PHF2: variants seen among roughly 807,000 people sequenced by gnomAD.
PHF2 encodes PHD finger protein 2, also known as lysine-specific demethylase PHF2.
PHF2 carries 27 observed loss-of-function variants against 120.5 expected under a neutral mutation model. The observed-to-expected ratio is 0.22, with a 90% CI of 0.17 to 0.31. The LOEUF (loss-of-function observed/expected upper bound fraction) is 0.31. Among genes scored for constraint, PHF2 ranks in the 10% least tolerant of loss-of-function variants. The pLI is 1.00. For missense variants in PHF2, 1,024 were observed against 1,434.8 expected, an observed-to-expected ratio of 0.71 and a Z score of 4.63; for synonymous variants, 568 against 592.5, an observed-to-expected ratio of 0.96 and a Z score of 0.60.
intron 1 of PHF2, among the ~76,000 whole-genome samples, chr9:93,621,998 C>T (rs1318996942): frequency 1.3e-5 from 2 of 152,196 alleles, no homozygotes; most frequent in African/African-American, 2.4e-5. Flanking sequence ...TGCCCAACCA[C>T]CTGGGGCATT....
At chr9:93,577,497 C>A (rs972486031) in intron 1 of PHF2, among the ~76,000 whole-genome samples, 1 of 152,230 alleles carries the variant, frequency 6.6e-6, no homozygotes, top group African/African-American at 2.4e-5. Flanking sequence ...GGACCCCTCC[C>A]GGACCCCCGC....
At chr9:93,629,563 C>G (rs536766071) in intron 1 of PHF2, among the ~76,000 whole-genome samples, 2 of 152,330 alleles carry the variant, frequency 1.3e-5, no homozygotes, top group Admixed American at 1.3e-4. Context: ...AGGAGGGGCT[C>G]TGAGCTGCCT....
At chr9:93,651,838 G>A (rs71496447) in intron 5 of PHF2, among the ~76,000 whole-genome samples, 1 of 152,210 alleles carries the variant, frequency 6.6e-6, no homozygotes, top group Non-Finnish European at 1.5e-5. Context: ...GTGGGAGGCA[G>A]GGACAGCCTG....
chr9:93,670,458 A>T (rs1033995417), intron 17 of PHF2, among the ~76,000 whole-genome samples: 1 of 152,174 alleles, frequency 6.6e-6, no homozygotes, highest in Non-Finnish European at 1.5e-5. Context: ...CCCCTGACTC[A>T]GAGTTTCTGG....
chr9:93,607,005 T>G (rs1825553390), intron 1 of PHF2, among the ~76,000 whole-genome samples: 1 of 152,234 alleles, frequency 6.6e-6, no homozygotes, highest in African/African-American at 2.4e-5. Flanking sequence ...ATTGGTTGAC[T>G]GTATTTGTGT....
chr9:93,666,929 T>C (rs1006712139), intron 16 of PHF2, 151 bp from the exon 17 acceptor site: 2 of 348,004 alleles, frequency 5.7e-6, no homozygotes, highest in Non-Finnish European at 9.0e-6. Context: ...ATCTCAAAAC[T>C]AAATAAATAA....
chr9:93,665,677 C>G lies in PHF2; in HGVS notation c.1938-9C>G, dbSNP rs749910545. 6.2e-7 allele frequency: 1 copy of G among 1,612,968 alleles called. No homozygotes were observed. The highest frequency in any genetic ancestry group is 8.5e-7 in the Non-Finnish European group (1 of 1,179,670). On this transcript the variant is annotated splice_polypyrimidine_tract_variant and intron_variant, in intron 14 of 21. Transcript: ENST00000359246. ...GTGGATGCTGCTGACCCACTCGCTT[C>G]TGCCCTAGCTCCAAGGCTCTCAGGC...
At chr9:93,604,586 T>C (rs1290049563) in intron 1 of PHF2, among the ~76,000 whole-genome samples, 1 of 151,682 alleles carries the variant, frequency 6.6e-6, no homozygotes, top group Non-Finnish European at 1.5e-5. Flanking sequence ...TGCCTCAGCC[T>C]CCCAAGTAAT....
chr9:93,651,852 C>T (rs185292844), intron 5 of PHF2, among the ~76,000 whole-genome samples: 192 of 152,186 alleles, frequency 1.3e-3, no homozygotes, highest in African/African-American at 4.6e-3. Context: ...CAGCCTGGCC[C>T]CCTGTGGTGT....
rs1826660334 is a variant in PHF2, at chr9:93,665,576, C to T, written c.1938-110C>T. 13 of 1,207,166 alleles carry T rather than the reference C, an allele frequency of 1.1e-5. No individual in the cohort carries two copies. The South Asian group carries it at 1.7e-4, about 16-fold the overall frequency. 74.8% of individuals were successfully genotyped at this position (1,207,166 alleles called of 1,614,324 possible). A position where few individuals can be genotyped will look rare whatever the true frequency, so the allele number is the denominator to read the frequency against. Reference sequence around the variant, plus strand: ...CAAATAGTGGCAACGTCACCTGCCTCCTGGAGGCCATCCTGCCGCGGCCCT... The same window carrying T: ...CAAATAGTGGCAACGTCACCTGCCTTCTGGAGGCCATCCTGCCGCGGCCCT... On this transcript the variant is annotated intron_variant, in intron 14 of 21. Transcript: ENST00000359246.
At chr9:93,662,816 T>C (rs1826601828) in intron 12 of PHF2, 91 bp from the exon 13 acceptor site, 7 of 1,502,750 alleles carry the variant, frequency 4.7e-6, no homozygotes, top group Non-Finnish European at 6.4e-6. Flanking sequence ...TGCAAGCACA[T>C]GGGCCAGAAG....
intron 1 of PHF2, among the ~76,000 whole-genome samples, chr9:93,626,930 T>A (rs528936746): frequency 3.9e-5 from 6 of 152,384 alleles, no homozygotes; most frequent in African/African-American, 1.4e-4. Context: ...TCTATTCCAT[T>A]GATCTATATG....
chr9:93,619,391 C>G lies in PHF2; in HGVS notation c.99-10579C>G, dbSNP rs982890394. Among the ~76,000 whole-genome samples the G allele has an allele frequency of 5.3e-5, 8 of 152,236 alleles. No individual in the cohort carries two copies. The South Asian group carries it at 6.2e-4, about 12-fold the overall frequency. On this transcript the variant is annotated intron_variant, in intron 1 of 21. Transcript: ENST00000359246. Reference sequence around the variant, plus strand: ...CTGATTCGGCGTCCTGGGCTGGCATCCTGGGCTGGCACTTTGCTCCGCTGA... The same window carrying G: ...CTGATTCGGCGTCCTGGGCTGGCATGCTGGGCTGGCACTTTGCTCCGCTGA...
chr9:93,666,197 C>T, intron 16 of PHF2, 137 bp downstream of exon 16: 1 of 718,858 alleles, frequency 1.4e-6, no homozygotes, highest in Admixed American at 2.5e-5. Context: ...TACCCTCACC[C>T]CACCCTTTCA....
At chr9:93,649,374 C>CT (rs752368762) in intron 5 of PHF2, among the ~76,000 whole-genome samples, 162 bp downstream of exon 5, 1,776 of 105,848 alleles carry the variant, frequency 0.017, 43 homozygotes, top group African/African-American at 0.053. Context: ...AAATTTTTTC[C>CT]TTTTTTTTTT....
chr9:93,650,595 C>T (rs1564394873), intron 5 of PHF2, among the ~76,000 whole-genome samples: 1 of 152,216 alleles, frequency 6.6e-6, no homozygotes, highest in Non-Finnish European at 1.5e-5. Flanking sequence ...GTGGGGCATC[C>T]TCTGTCAGGG....
At chr9:93,591,694 C>T (rs778133279) in intron 1 of PHF2, among the ~76,000 whole-genome samples, 6 of 152,196 alleles carry the variant, frequency 3.9e-5, no homozygotes, top group Admixed American at 6.5e-5. Context: ...GTGGGGTGTC[C>T]TGGCCTACAT....
At chr9:93,655,150 T>A (rs1826436740) in intron 7 of PHF2, among the ~76,000 whole-genome samples, 2 of 152,226 alleles carry the variant, frequency 1.3e-5, no homozygotes, top group Non-Finnish European at 2.9e-5. Flanking sequence ...AGGGCTTCCT[T>A]TCCTTCTAAG....
chr9:93,674,026 C>T (rs1362502423), intron 18 of PHF2, among the ~76,000 whole-genome samples, 164 bp downstream of exon 18: 4 of 152,186 alleles, frequency 2.6e-5, no homozygotes, highest in Non-Finnish European at 4.4e-5. Context: ...CTCCTGTGAG[C>T]GAGACTGGCC....
Sources: allele counts gnomAD v4.1 joint callset (sites outside exome capture counted in the v4.1 genomes callset), GRCh38; gene constraint gnomAD v4.1.1; transcripts MANE v1.5; gene names NCBI Gene and HGNC (gene_info 2026-07-23, HGNC 2026-07-21).